The following DISC1 variants were observed in gnomAD, a reference collection of about 807,000 sequenced individuals.
DISC1 encodes DISC1 scaffold protein.
In DISC1, 57 loss-of-function variants were observed where a neutral mutation model predicts 84.5. That is an observed-to-expected ratio of 0.67 (90% CI 0.55 to 0.84). DISC1 has a LOEUF of 0.84. Ranked by LOEUF, DISC1 falls within the 40% of genes least tolerant of loss-of-function variation. The pLI is 0.00. For synonymous variants in DISC1, 411 were observed against 415.2 expected (o/e 0.99, Z 0.12); for missense variants, 1,000 against 1,057.8 (o/e 0.95, Z 0.76).
Position 232,008,938 on chromosome 1 carries a change from T to G in DISC1, c.2196T>G (p.Ile732Met), listed in dbSNP as rs368129863. The G allele has an allele frequency of 8.1e-6, 13 of 1,613,276 alleles. No individual in the cohort carries two copies. Among genetic ancestry groups the G allele is most frequent in the Non-Finnish European group, 1.0e-5 (12 of 1,179,644 alleles). ...ACTTAGAGGGAGCTGCTCCTCCTAT[T>G]CCCCCCAGGCTCCACTCCGAGGATA... The part of the protein sequence containing the change: ...MDDLEGAAPP[I>M]PPRLHSEDKR... Residue 732 changes from isoleucine (I) to methionine (M), a missense_variant, in exon 11 of 13, where the codon ATT becomes ATG. Physicochemically the swap from Ile to Met is conservative, Grantham distance 10. Transcript: ENST00000439617.
At chr1:231,989,068 C>G (rs1664848062) in intron 10 of DISC1, among the ~76,000 whole-genome samples, 1 of 152,232 alleles carries the variant, frequency 6.6e-6, no homozygotes, top group Non-Finnish European at 1.5e-5. Flanking sequence ...ATTAACCAGT[C>G]CTTGCTATCA....
At chr1:231,911,729 A>G (rs1243356536) in intron 9 of DISC1, among the ~76,000 whole-genome samples, 13 of 152,168 alleles carry the variant, frequency 8.5e-5, no homozygotes, top group Admixed American at 8.5e-4. Context: ...CTGCCTTGCT[A>G]GGTTGGGGAT....
chr1:231,834,017 C>T (rs945986771), intron 9 of DISC1, among the ~76,000 whole-genome samples: 19 of 152,214 alleles, frequency 1.2e-4, no homozygotes, highest in South Asian at 8.3e-4. Flanking sequence ...TGCTGCCAAA[C>T]GAGCCATGAA....
At chr1:231,629,039 C>T (rs1036038918) in intron 1 of DISC1, among the ~76,000 whole-genome samples, 6 of 152,186 alleles carry the variant, frequency 3.9e-5, no homozygotes, top group African/African-American at 1.4e-4. Flanking sequence ...GCCCAACCTC[C>T]ATCCTGCATA....
At position 231,958,717 on chromosome 1, in the gene DISC1, G is replaced by A. The variant is rs1034820954; in HGVS notation, c.1982-111G>A. On this transcript the variant is annotated intron_variant, in intron 9 of 12. Coordinates refer to ENST00000439617, the MANE Select transcript of DISC1 (RefSeq NM_018662.3). The stretch of plus-strand genomic sequence containing the variant: ...GTGTTTTCCAAACATAGAATGTTAC[G>A]ATTACTAGTGGCTTGACCTCAATCC... The A allele has an allele frequency of 2.0e-5, 21 of 1,067,588 alleles. No homozygotes were observed. The Admixed American group carries it at 2.7e-4, about 14-fold the overall frequency. The allele number at this position is 1,067,588 out of a possible 1,614,324, so 66.1% of individuals were successfully genotyped here.
intron 12 of DISC1, among the ~76,000 whole-genome samples, chr1:232,034,089 C>T (rs1168763108): frequency 1.3e-5 from 2 of 152,046 alleles, no homozygotes. Flanking sequence ...ATCCTACAGG[C>T]AGGTTGGTTA....
chr1:231,707,931 G>A (rs2067291124), intron 3 of DISC1, among the ~76,000 whole-genome samples: 1 of 152,158 alleles, frequency 6.6e-6, no homozygotes, highest in Admixed American at 6.5e-5. Flanking sequence ...CCACATGCTG[G>A]AATTCTGAAA....
chr1:231,902,771 T>G (rs1178096273), intron 9 of DISC1, among the ~76,000 whole-genome samples: 1 of 152,210 alleles, frequency 6.6e-6, no homozygotes, highest in Non-Finnish European at 1.5e-5. Context: ...CCTTGATATG[T>G]ACACGTTGAG....
At chr1:231,982,722 T>C (rs1405439234) in intron 10 of DISC1, among the ~76,000 whole-genome samples, 1 of 151,596 alleles carries the variant, frequency 6.6e-6, no homozygotes, top group Non-Finnish European at 1.5e-5. Flanking sequence ...CTGGTGACAT[T>C]TCAGGTCATT....
At chr1:231,894,272 GA>G (rs2087494216) in intron 9 of DISC1, among the ~76,000 whole-genome samples, 1 of 152,066 alleles carries the variant, frequency 6.6e-6, no homozygotes, top group African/African-American at 2.4e-5. Context: ...GAAAGGTACA[GA>G]AAAAAACATA....
At chr1:231,909,026 C>T (rs2088953178) in intron 9 of DISC1, among the ~76,000 whole-genome samples, 1 of 152,126 alleles carries the variant, frequency 6.6e-6, no homozygotes. Context: ...ATTTTGTATC[C>T]TAAGACTTTG....
At chr1:232,030,974 G>A (rs903235122) in intron 12 of DISC1, among the ~76,000 whole-genome samples, 41 of 152,036 alleles carry the variant, frequency 2.7e-4, no homozygotes, top group African/African-American at 9.9e-4. Flanking sequence ...TTAACTGGGC[G>A]TGATGGTGCA....
intron 9 of DISC1, among the ~76,000 whole-genome samples, chr1:231,929,276 T>C (rs2090516541): frequency 6.6e-6 from 1 of 152,144 alleles, no homozygotes; most frequent in South Asian, 2.1e-4. Flanking sequence ...GATAGTTAGC[T>C]CTTCATGGAG....
chr1:231,798,851 T>G (rs2078975204), intron 7 of DISC1, among the ~76,000 whole-genome samples: 1 of 151,910 alleles, frequency 6.6e-6, no homozygotes, highest in African/African-American at 2.4e-5. Flanking sequence ...AGAGAAAGAG[T>G]GGAGTATTTT....
rs1670771247 is a variant in DISC1 at position 232,041,180 on chromosome 1, T to TATC, written c.*4351_*4353dup. 6.6e-6 allele frequency: 1 copy of TATC among 152,240 alleles called. No individual in the cohort carries two copies. The highest frequency in any genetic ancestry group is 1.5e-5 in the Non-Finnish European group (1 of 68,044). The allele number at this position is 152,240 out of a possible 1,614,324, so 9.4% of individuals were successfully genotyped here. A position where few individuals can be genotyped will look rare whatever the true frequency, so the allele number is the denominator to read the frequency against. ...TTGAAGTATGGATGATAGAAAAATG[T>TATC]ATCAGGTTTATTCATCTCATCTTTC... On this transcript the variant is annotated 3_prime_UTR_variant, in exon 13 of 13. Transcript: ENST00000439617.
chr1:231,845,674 G>A (rs1046307831), intron 9 of DISC1, among the ~76,000 whole-genome samples: 6 of 152,164 alleles, frequency 3.9e-5, no homozygotes, highest in Non-Finnish European at 5.9e-5. Context: ...GGAGCCGAAC[G>A]GAGTGGCAGG....
In DISC1 at chr1:232,031,298, A is replaced by G. The variant is rs1356145917; in HGVS notation, c.2425+4746A>G. Among the ~76,000 whole-genome samples the G allele has an allele frequency of 2.1e-5, 3 of 141,688 alleles. No individual in the cohort carries two copies. The highest frequency in any genetic ancestry group is 5.2e-5 in the African/African-American group (2 of 38,326). 93.0% of individuals were successfully genotyped at this position (141,688 alleles called of 152,430 possible). A position where few individuals can be genotyped will look rare whatever the true frequency, so the allele number is the denominator to read the frequency against. Reference sequence around the variant, plus strand: ...AGAAAAAGAAAGAAAAGAGGAAGGAAGGAAGGAGAGAGGGAAGGAGAGAAA... The same window carrying G: ...AGAAAAAGAAAGAAAAGAGGAAGGAGGGAAGGAGAGAGGGAAGGAGAGAAA... On this transcript the variant is annotated intron_variant, in intron 12 of 12. Transcript: ENST00000439617. This position sits in a 1 kb window ranked among gnomAD's most constrained non-coding sequence, Gnocchi z 4.6.
intron 9 of DISC1, among the ~76,000 whole-genome samples, chr1:231,923,129 A>C (rs115763962): frequency 0.046 from 6,889 of 151,116 alleles, 179 homozygotes; most frequent in African/African-American, 0.067. Context: ...CACACACACA[A>C]AAAAAAAGTT....
intron 9 of DISC1, among the ~76,000 whole-genome samples, chr1:231,871,091 C>G (rs1195375760): frequency 6.6e-6 from 1 of 152,144 alleles, no homozygotes; most frequent in Non-Finnish European, 1.5e-5. Context: ...CTCCACTTCT[C>G]AAAGGAGCTT....
Sources: gnomAD v4.1 joint callset for allele counts (sites outside exome capture counted in the v4.1 genomes callset) on GRCh38, gnomAD v4.1.1 for gene constraint, Gnocchi (gnomAD v3.1) non-coding constraint, MANE v1.5 for transcripts, NCBI Gene and HGNC (gene_info 2026-07-23, HGNC 2026-07-21) for gene names.